The following PHF12 variants were observed in gnomAD, a reference collection of about 807,000 sequenced individuals.
The protein encoded by PHF12 is PHD finger protein 12.
PHF12 carries 6 observed loss-of-function variants against 99.8 expected under a neutral mutation model. The ratio of observed to expected loss-of-function variants is 0.06; its 90% CI spans 0.03 to 0.12. The LOEUF is 0.12. Ranked by LOEUF, PHF12 falls within the 10% of genes least tolerant of loss-of-function variation. The probability of loss-of-function intolerance (pLI) is 1.00; values close to 1 mark genes in which losing one functional copy is unlikely to be tolerated. For synonymous variants in PHF12, 480 were observed against 514.9 expected (o/e 0.93, Z 0.92); for missense variants, 954 against 1,300.1 (o/e 0.73, Z 4.09).
chr17:28,950,294 C>A lies in PHF12; in HGVS notation c.67-48G>T. On this transcript the variant is annotated intron_variant, in intron 1 of 14. Transcript: ENST00000332830. The surrounding 1 kb of genome is among the most constrained non-coding windows in gnomAD (Gnocchi z 5.7). The stretch of plus-strand genomic sequence containing the variant: ...TGTGTGCACACTCGGAGCTCCCGGG[C>A]GGTCCGTCGCCCCCCCGGCGCGGTT... 8.4e-6 allele frequency: 13 copies of A among 1,544,314 alleles called. No individual in the cohort carries two copies. Among genetic ancestry groups the A allele is most frequent in the Non-Finnish European group, 1.1e-5 (13 of 1,147,898 alleles).
chr17:28,908,841 G>C lies in PHF12; in HGVS notation c.2400C>G (p.Pro800=), dbSNP rs764743560. The C allele has an allele frequency of 1.9e-6, 3 of 1,614,112 alleles. No individual in the cohort carries two copies. Among genetic ancestry groups the C allele is most frequent in the Non-Finnish European group, 1.7e-6 (2 of 1,180,026 alleles). The change falls in exon 12 of 15, where the codon CCC becomes CCG. Residue 800 remains proline, a synonymous_variant. Coordinates refer to ENST00000332830, the MANE Select transcript of PHF12 (RefSeq NM_001033561.2). ...TCACAGCTCCTCCCAACCCTAAGAG[G>C]GGGTAGAACACAGCTCGGGCCTGTA... is the stretch of plus-strand genomic sequence containing the variant. ...KEVQARAVFY[P]LLGLGGAVNM...
chr17:28,912,239 C>T (rs2039972931), intron 9 of PHF12: 4 of 1,307,302 alleles, frequency 3.1e-6, no homozygotes, highest in Middle Eastern at 2.9e-4. Flanking sequence ...TCCAATCCTG[C>T]CACTGACTCA....
At chr17:28,942,272 A>G (rs964979593) in intron 2 of PHF12, among the ~76,000 whole-genome samples, 4 of 152,176 alleles carry the variant, frequency 2.6e-5, no homozygotes, top group African/African-American at 9.7e-5. Flanking sequence ...AAAATAAAAA[A>G]TAGAGGCTGA....
At chr17:28,915,835 C>T (rs529166616) in intron 7 of PHF12, among the ~76,000 whole-genome samples, 41 of 152,204 alleles carry the variant, frequency 2.7e-4, no homozygotes, top group Non-Finnish European at 4.1e-4. Context: ...GTACAAAATG[C>T]TTTGCAGGTA....
chr17:28,929,696 C>T (rs2040359754), intron 2 of PHF12: 1 of 152,190 alleles, frequency 6.6e-6, no homozygotes, highest in African/African-American at 2.4e-5. Context: ...CTCATTACTT[C>T]CCTTCCTCCC....
intron 3 of PHF12, chr17:28,926,710 T>C: frequency 8.1e-7 from 1 of 1,235,384 alleles, no homozygotes; most frequent in Admixed American, 2.4e-5. Flanking sequence ...AGGCCACTTA[T>C]TAGGAGGACA....
chr17:28,906,552 A>G lies in PHF12; in HGVS notation c.2681-35T>C. 4.0e-5 allele frequency: 62 copies of G among 1,561,214 alleles called. No individual in the cohort carries two copies. The highest frequency in any genetic ancestry group is 5.4e-5 in the Non-Finnish European group (62 of 1,148,496). On this transcript the variant is annotated intron_variant, in intron 14 of 14. Transcript: ENST00000332830. This position sits in a 1 kb window ranked among gnomAD's most constrained non-coding sequence, Gnocchi z 4.2. ...AGGGGGATGGTCACAGAAGAGGAAC[A>G]GTGAGCAGCCAACCCATGTGGGCTG...
intron 5 of PHF12, among the ~76,000 whole-genome samples, chr17:28,920,951 G>C (rs2040152565): frequency 6.7e-6 from 1 of 150,186 alleles, no homozygotes; most frequent in Non-Finnish European, 1.5e-5. Context: ...TTGGCTCACT[G>C]CAAGCTCCGC....
Position 28,906,149 on chromosome 17 carries a change from G to A in PHF12, c.*34C>T. The A allele has an allele frequency of 1.3e-6, 2 of 1,548,902 alleles. No homozygotes were observed. The highest frequency in any genetic ancestry group is 2.3e-5 in the East Asian group (1 of 43,850). ...TTTTGCATTGCAGGAGTCTTGGGTG[G>A]GTGTACAGGCCAGTGGCGGGGTAGC... On this transcript the variant is annotated 3_prime_UTR_variant, in exon 15 of 15. Coordinates refer to ENST00000332830, the MANE Select transcript of PHF12 (RefSeq NM_001033561.2). This position sits in a 1 kb window ranked among gnomAD's most constrained non-coding sequence, Gnocchi z 4.2.
Position 28,951,474 on chromosome 17 carries a change from G to T in PHF12, c.-514C>A, listed in dbSNP as rs556251645. ...CACTTGGCGCAAACTTACCGCGAGC[G>T]CCCGCAAAGCCACCCGCGCAGGCGC... On this transcript the variant is annotated 5_prime_UTR_variant, in exon 1 of 15. Coordinates refer to ENST00000332830, the MANE Select transcript of PHF12 (RefSeq NM_001033561.2). 28 of 985,478 alleles carry T rather than the reference G, an allele frequency of 2.8e-5. No homozygotes were observed. In the South Asian group the frequency reaches 1.2e-3, roughly 41 times the overall value. 61.0% of individuals were successfully genotyped at this position (985,478 alleles called of 1,614,324 possible).
rs1247091444 is a variant in PHF12, at chr17:28,950,575, C to T, written c.66+320G>A. ...GACCCGCTCGGGAGAGGCCCAAAGC[C>T]CGGTACCCGGACGTGCTGGGGGAAG... On this transcript the variant is annotated intron_variant, in intron 1 of 14. Coordinates refer to ENST00000332830, the MANE Select transcript of PHF12 (RefSeq NM_001033561.2). This position sits in a 1 kb window ranked among gnomAD's most constrained non-coding sequence, Gnocchi z 5.7. The T allele has an allele frequency of 3.9e-6, 2 of 516,320 alleles. No homozygotes were observed. Among genetic ancestry groups the T allele is most frequent in the East Asian group, 6.6e-5 (2 of 30,296 alleles). 32.0% of individuals were successfully genotyped at this position (516,320 alleles called of 1,614,324 possible). A position where few individuals can be genotyped will look rare whatever the true frequency, so the allele number is the denominator to read the frequency against.
At position 28,906,197 on chromosome 17, in the gene PHF12, T is replaced by G; in HGVS notation, c.3001A>C (p.Asn1001His). The change falls in exon 15 of 15, where the codon AAC (asparagine) becomes CAC (histidine). Residue 1001 changes from asparagine to histidine, a missense_variant. Around this residue, in one of 8 missense-constraint regions of PHF12, gnomAD observed 136 missense variants for 172.3 expected, o/e 0.79. Coordinates refer to ENST00000332830, the MANE Select transcript of PHF12 (RefSeq NM_001033561.2). This position sits in a 1 kb window ranked among gnomAD's most constrained non-coding sequence, Gnocchi z 4.2. ...KPHQGPVLRS[N>H]SVP ...AGCCGCCAGTCCTAAGGAACAGAGT[T>G]GGAGCGCAGCACAGGGCCCTGGTGG... 6.3e-7 allele frequency: 1 copy of G among 1,594,604 alleles called. No homozygotes were observed. Among genetic ancestry groups the G allele is most frequent in the Non-Finnish European group, 8.6e-7 (1 of 1,166,536 alleles).
At chr17:28,930,801 T>G (rs970309822) in intron 2 of PHF12, among the ~76,000 whole-genome samples, 2 of 152,240 alleles carry the variant, frequency 1.3e-5, no homozygotes, top group African/African-American at 4.8e-5. Flanking sequence ...CCGGGTGCAG[T>G]AGCTCATGCC....
At chr17:28,933,898 T>C (rs188962202) in intron 2 of PHF12, among the ~76,000 whole-genome samples, 2 of 152,060 alleles carry the variant, frequency 1.3e-5, no homozygotes, top group Admixed American at 1.3e-4. Flanking sequence ...AATACAAAAA[T>C]GAGCTAGATG....
intron 3 of PHF12, chr17:28,924,654 TA>T: frequency 3.0e-6 from 1 of 338,540 alleles, no homozygotes; most frequent in Non-Finnish European, 5.7e-6. Context: ...GTGAGACCAA[TA>T]GTAAAAATCA....
At chr17:28,931,413 C>T (rs1044130546) in intron 2 of PHF12, among the ~76,000 whole-genome samples, 5 of 146,864 alleles carry the variant, frequency 3.4e-5, no homozygotes, top group African/African-American at 1.0e-4. Flanking sequence ...CCCGCCATCA[C>T]ACCCGGCTAA....
intron 4 of PHF12, 49 bp downstream of exon 4, chr17:28,923,860 C>T (rs1359262165): frequency 3.9e-6 from 6 of 1,554,084 alleles, no homozygotes; most frequent in Non-Finnish European, 5.2e-6. Flanking sequence ...TGTGCTGGTC[C>T]TTTGGGGAAA....
intron 2 of PHF12, among the ~76,000 whole-genome samples, chr17:28,930,653 CA>C (rs2040382496): frequency 6.6e-6 from 1 of 152,204 alleles, no homozygotes; most frequent in African/African-American, 2.4e-5. Flanking sequence ...CTTCTTTAAA[CA>C]ATTTGATTTT....
At chr17:28,916,173 C>T (rs1187392149) in intron 7 of PHF12, among the ~76,000 whole-genome samples, 3 of 152,212 alleles carry the variant, frequency 2.0e-5, no homozygotes, top group Non-Finnish European at 4.4e-5. Context: ...CTGATACCCA[C>T]TGAAGGTGAT....
Sources: gnomAD v4.1 joint callset for allele counts (sites outside exome capture counted in the v4.1 genomes callset) on GRCh38, gnomAD v4.1.1 for gene constraint, gnomAD v4.1.1 regional missense constraint, Gnocchi (gnomAD v3.1) non-coding constraint, MANE v1.5 for transcripts, NCBI Gene and HGNC (gene_info 2026-07-23, HGNC 2026-07-21) for gene names.